The following PIEZO2 variants were observed in gnomAD, a reference collection of about 807,000 sequenced individuals.
The protein encoded by PIEZO2 is piezo type mechanosensitive ion channel component 2.
In PIEZO2, 172 loss-of-function variants were observed where a neutral mutation model predicts 337.3. The observed-to-expected ratio is 0.51, with a 90% CI of 0.45 to 0.58. The LOEUF (loss-of-function observed/expected upper bound fraction) is 0.58, where lower values mean the gene tolerates loss of function less well. Among genes scored for constraint, PIEZO2 ranks in the 20% least tolerant of loss-of-function variants. The pLI is 0.00. For missense variants in PIEZO2, 3,028 were observed against 3,391.3 expected, an observed-to-expected ratio of 0.89 and a Z score of 2.66; for synonymous variants, 1,251 against 1,228.5, an observed-to-expected ratio of 1.02 and a Z score of -0.38.
chr18:11,029,856 T>C lies in PIEZO2; in HGVS notation c.160+36271A>G, dbSNP rs562755405. On this transcript the variant is annotated intron_variant, in intron 2 of 55. Coordinates refer to ENST00000674853, the MANE Select transcript of PIEZO2 (RefSeq NM_001378183.1). The stretch of plus-strand genomic sequence containing the variant: ...CTTGTTCCCTATACAGCCCCCTTAA[T>C]TGTCTTCACAGCAGCTAACCCAACC... Among the ~76,000 whole-genome samples the C allele has an allele frequency of 1.1e-4, 16 of 152,270 alleles. No individual in the cohort carries two copies. In the South Asian group the frequency reaches 3.3e-3, roughly 32 times the overall value.
intron 47 of PIEZO2, among the ~76,000 whole-genome samples, chr18:10,692,074 C>T (rs914151616): frequency 6.6e-6 from 1 of 151,750 alleles, no homozygotes; most frequent in Non-Finnish European, 1.5e-5. Context: ...TTAATGATTT[C>T]CTCAACAGTA....
rs2039326050 is a variant in PIEZO2, at chr18:10,789,106, C to G, written c.2142G>C (p.Leu714=). The stretch of plus-strand genomic sequence containing the variant: ...GGTATAGGGCCACACAGAACAGGAA[C>G]AGCACCATGTAGATGATTTTGTACA... ...IVMYKIIYMV[L]FLFCVALYQV... The change falls in exon 15 of 56, where the codon CTG becomes CTC. Residue 714 remains leucine, a synonymous_variant. Transcript: ENST00000674853. 2 of 1,537,182 alleles carry G rather than the reference C, an allele frequency of 1.3e-6. No homozygotes were observed. The highest frequency in any genetic ancestry group is 1.7e-4 in the Middle Eastern group (1 of 5,988).
At chr18:10,772,269 G>T (rs2038630452) in intron 20 of PIEZO2, among the ~76,000 whole-genome samples, 1 of 152,200 alleles carries the variant, frequency 6.6e-6, no homozygotes, top group African/African-American at 2.4e-5. Context: ...GACTCAGATG[G>T]TAGTCAATAA....
chr18:10,950,456 C>T lies in PIEZO2; in HGVS notation c.286+29079G>A, dbSNP rs141521401. 1.8e-4 allele frequency among the ~76,000 whole-genome samples: 27 copies of T among 152,288 alleles called. 1 individual carries two copies. The highest frequency in any genetic ancestry group is 1.5e-3 in the East Asian group (8 of 5,188). ...ACAAGGACTGAACAAAATCTACACT[C>T]GCAAAAACTAAGGCATGATACTTTG... On this transcript the variant is annotated intron_variant, in intron 3 of 55. Coordinates refer to ENST00000674853, the MANE Select transcript of PIEZO2 (RefSeq NM_001378183.1).
At chr18:11,018,721 A>T (rs1461329752) in intron 2 of PIEZO2, among the ~76,000 whole-genome samples, 1 of 152,148 alleles carries the variant, frequency 6.6e-6, no homozygotes, top group African/African-American at 2.4e-5. Context: ...TGAGACAAGG[A>T]ACAGAAATGA....
At chr18:10,699,212 T>C in intron 43 of PIEZO2, 35 bp from the exon 44 acceptor site, 1 of 1,535,830 alleles carries the variant, frequency 6.5e-7, no homozygotes, top group Non-Finnish European at 8.7e-7. Context: ...ATGAGGCTAC[T>C]GTTTCAGGTG....
rs1353274879 is a variant in PIEZO2 at position 10,707,443 on chromosome 18, A to T, written c.5588+832T>A. Among the ~76,000 whole-genome samples, 2 of 152,140 alleles carry T rather than the reference A, an allele frequency of 1.3e-5. No homozygotes were observed. Among genetic ancestry groups the T allele is most frequent in the African/African-American group, 4.8e-5 (2 of 41,444 alleles). ...ATACTGCAGGGATGCACCGAGATAC[A>T]CGGCTGCCAGTGAAAAGAAGATGCC... On this transcript the variant is annotated intron_variant, in intron 40 of 55. Transcript: ENST00000674853. This position sits in a 1 kb window ranked among gnomAD's most constrained non-coding sequence, Gnocchi z 4.2.
intron 21 of PIEZO2, among the ~76,000 whole-genome samples, chr18:10,768,407 T>C (rs1216048651): frequency 6.6e-6 from 1 of 152,176 alleles, no homozygotes; most frequent in Non-Finnish European, 1.5e-5. Flanking sequence ...AGTGTGCCAA[T>C]TACATTAGAA....
rs546174095 is a variant in PIEZO2 at position 10,929,135 on chromosome 18, C to A, written c.287-17907G>T. 1.3e-5 allele frequency among the ~76,000 whole-genome samples: 2 copies of A among 152,214 alleles called. No individual in the cohort carries two copies. The highest frequency in any genetic ancestry group is 2.9e-5 in the Non-Finnish European group (2 of 68,044). On this transcript the variant is annotated intron_variant, in intron 3 of 55. Coordinates refer to ENST00000674853, the MANE Select transcript of PIEZO2 (RefSeq NM_001378183.1). The surrounding 1 kb of genome is among the most constrained non-coding windows in gnomAD (Gnocchi z 5.6). ...CCATGCATCAGTCTTTATGTAAACA[C>A]TCACAGCATTAACCACAGCTGCAAT... is the stretch of plus-strand genomic sequence containing the variant.
intron 1 of PIEZO2, among the ~76,000 whole-genome samples, chr18:11,117,211 G>T (rs1778330455): frequency 6.6e-6 from 1 of 152,138 alleles, no homozygotes; most frequent in African/African-American, 2.4e-5. Context: ...TCCTAAACAC[G>T]TTGATTTGCT....
chr18:10,884,840 G>A (rs2042528510), intron 4 of PIEZO2, among the ~76,000 whole-genome samples: 1 of 152,154 alleles, frequency 6.6e-6, no homozygotes, highest in Non-Finnish European at 1.5e-5. Flanking sequence ...GGAGAAAAAA[G>A]CAAGAATCTT....
intron 49 of PIEZO2, among the ~76,000 whole-genome samples, chr18:10,683,995 G>A (rs1415146688): frequency 4.0e-5 from 6 of 151,652 alleles, no homozygotes; most frequent in Non-Finnish European, 8.8e-5. Context: ...CTCAAATTAC[G>A]CAGCCAATTT....
chr18:10,842,689 C>T (rs1167624558), intron 7 of PIEZO2, among the ~76,000 whole-genome samples: 3 of 152,192 alleles, frequency 2.0e-5, no homozygotes, highest in Non-Finnish European at 2.9e-5. Flanking sequence ...TCAGGTATTC[C>T]TTCATGGCAA....
chr18:10,921,705 C>T (rs556341472), intron 3 of PIEZO2, among the ~76,000 whole-genome samples: 9 of 152,210 alleles, frequency 5.9e-5, no homozygotes, highest in East Asian at 3.9e-4. Flanking sequence ...GCTGGTGAGC[C>T]GGGCGGAAAA....
chr18:10,865,272 G>A (rs2041975825), intron 5 of PIEZO2, among the ~76,000 whole-genome samples: 1 of 152,152 alleles, frequency 6.6e-6, no homozygotes, highest in Admixed American at 6.5e-5. Flanking sequence ...TTTTATCTAG[G>A]GAAGTGGCAT....
At chr18:10,697,539 G>A (rs1306305830) in intron 45 of PIEZO2, among the ~76,000 whole-genome samples, 1 of 152,190 alleles carries the variant, frequency 6.6e-6, no homozygotes, top group Non-Finnish European at 1.5e-5. Flanking sequence ...AAAAGCATGT[G>A]CATAAATGCA....
rs936827 is a variant in PIEZO2, at chr18:10,872,578, G to A, written c.330-1163C>T. Among the ~76,000 whole-genome samples, 2,068 of 151,790 alleles carry A rather than the reference G, an allele frequency of 0.014. 54 individuals are homozygous for A. The highest frequency in any genetic ancestry group is 0.048 in the African/African-American group (1,979 of 41,094). On this transcript the variant is annotated intron_variant, in intron 4 of 55. Coordinates refer to ENST00000674853, the MANE Select transcript of PIEZO2 (RefSeq NM_001378183.1). The surrounding 1 kb of genome is among the most constrained non-coding windows in gnomAD (Gnocchi z 4.3). ...AGACTTCTCACACCATTCAGCACAC[G>A]ACACGGGCCAGCCATGTCCCTCATC... is the stretch of plus-strand genomic sequence containing the variant.
In PIEZO2 at chr18:10,857,150, C is replaced by T; in HGVS notation, c.554G>A (p.Gly185Glu). Residue 185 changes from glycine to glutamate, a missense_variant, in exon 6 of 56, where the codon GGA becomes GAA. Transcript: ENST00000674853. The stretch of plus-strand genomic sequence containing the variant: ...TTCCAACTCGCCTTCAACACCATCT[C>T]CTCCATTGAAATCCTCTTCATAGAT... Reference protein sequence around the residue: ...ALIYEEDFNGGDGVEGELEES... With the variant: ...ALIYEEDFNGEDGVEGELEES... The T allele has an allele frequency of 2.0e-6, 3 of 1,537,900 alleles. No individual in the cohort carries two copies. Among genetic ancestry groups the T allele is most frequent in the Non-Finnish European group, 2.6e-6 (3 of 1,147,050 alleles).
chr18:10,791,416 G>A, intron 13 of PIEZO2, 92 bp from the exon 14 acceptor site: 1 of 1,325,358 alleles, frequency 7.5e-7, no homozygotes, highest in Non-Finnish European at 9.9e-7. Context: ...GCATTCCAGT[G>A]GGAGCACAAT....
Sources: gnomAD v4.1 joint callset for allele counts (sites outside exome capture counted in the v4.1 genomes callset) on GRCh38, gnomAD v4.1.1 for gene constraint, Gnocchi (gnomAD v3.1) non-coding constraint, MANE v1.5 for transcripts, NCBI Gene and HGNC (gene_info 2026-07-23, HGNC 2026-07-21) for gene names.